BRINP3: variants seen among roughly 807,000 people sequenced by gnomAD.
BRINP3 encodes the protein BMP/retinoic acid inducible neural specific 3, also known as BMP/retinoic acid-inducible neural-specific protein 3.
BRINP3 carries 19 observed loss-of-function variants against 71.0 expected under a neutral mutation model. That is an observed-to-expected ratio of 0.27 (90% CI 0.19 to 0.39). The LOEUF is 0.39. Ranked by LOEUF, BRINP3 falls within the 10% of genes least tolerant of loss-of-function variation. The pLI is 1.00. For synonymous variants in BRINP3, 380 were observed against 337.7 expected, an observed-to-expected ratio of 1.13 and a Z score of -1.37; for missense variants, 959 against 940.8, an observed-to-expected ratio of 1.02 and a Z score of -0.25.
chr1:190,328,907 A>C (rs1666783563), intron 2 of BRINP3, among the ~76,000 whole-genome samples: 1 of 152,076 alleles, frequency 6.6e-6, no homozygotes, highest in Admixed American at 6.6e-5. Flanking sequence ...CATAAACAGA[A>C]TTAAAAATAA....
intron 2 of BRINP3, among the ~76,000 whole-genome samples, chr1:190,327,182 T>C (rs1056279926): frequency 1.3e-5 from 2 of 150,060 alleles, no homozygotes; most frequent in Non-Finnish European, 1.5e-5. Context: ...AGGCGTTTTG[T>C]TGGGCACCTG....
intron 2 of BRINP3, among the ~76,000 whole-genome samples, chr1:190,385,760 T>C (rs888467913): frequency 1.1e-4 from 16 of 152,016 alleles, no homozygotes; most frequent in African/African-American, 3.9e-4. Flanking sequence ...TAAATCATGC[T>C]GGTATAAAGA....
At chr1:190,155,836 G>A (rs1656817318) in intron 7 of BRINP3, among the ~76,000 whole-genome samples, 1 of 151,906 alleles carries the variant, frequency 6.6e-6, no homozygotes, top group African/African-American at 2.4e-5. Context: ...CTTCCCCTTT[G>A]CCTTATTCCA....
intron 2 of BRINP3, among the ~76,000 whole-genome samples, chr1:190,313,572 A>G (rs1281570808): frequency 6.6e-6 from 1 of 152,006 alleles, no homozygotes; most frequent in Non-Finnish European, 1.5e-5. Flanking sequence ...TCAGTTTTAC[A>G]TTTTGCAAAT....
intron 6 of BRINP3, among the ~76,000 whole-genome samples, chr1:190,198,056 C>G (rs895683693): frequency 2.0e-5 from 3 of 152,172 alleles, no homozygotes; most frequent in African/African-American, 7.2e-5. Flanking sequence ...AGGCCCAACA[C>G]CACCTGTAAG....
intron 6 of BRINP3, among the ~76,000 whole-genome samples, chr1:190,178,969 G>A (rs910736827): frequency 2.0e-5 from 3 of 152,048 alleles, no homozygotes; most frequent in African/African-American, 7.2e-5. Context: ...ATTCTAAACT[G>A]AGCAGACATC....
intron 2 of BRINP3, among the ~76,000 whole-genome samples, chr1:190,416,393 G>A (rs1312521840): frequency 2.0e-5 from 3 of 151,998 alleles, no homozygotes; most frequent in African/African-American, 7.3e-5. Flanking sequence ...TTGCCCAAGA[G>A]CCCCATGAGA....
In BRINP3 at chr1:190,128,911, T is replaced by C. The variant is rs1278595200; in HGVS notation, c.1185-29777A>G. On this transcript the variant is annotated intron_variant, in intron 7 of 7. Coordinates refer to ENST00000367462, the MANE Select transcript of BRINP3 (RefSeq NM_199051.3). ...TACACTAGATCAAAAAAGATCTTTA[T>C]ACCAATACCGGTTCTACAGTAGAAC... Among the ~76,000 whole-genome samples, 2 of 151,760 alleles carry C rather than the reference T, an allele frequency of 1.3e-5. 1 individual carries two copies. The highest frequency in any genetic ancestry group is 3.9e-4 in the East Asian group (2 of 5,178).
rs552056362 is a variant in BRINP3 at position 190,412,501 on chromosome 1, C to G, written c.236+42154G>C. Among the ~76,000 whole-genome samples the G allele has an allele frequency of 1.6e-3, 213 of 130,462 alleles. 1 individual carries two copies. The highest frequency in any genetic ancestry group is 5.7e-3 in the South Asian group (24 of 4,206). 85.6% of individuals were successfully genotyped at this position (130,462 alleles called of 152,430 possible). Reference sequence around the variant, plus strand: ...TTTTTGAGACGGAGTCTCGCTCTGTCGCCCAGGCTGGAGTGCAGTGGTGGG... The same window carrying G: ...TTTTTGAGACGGAGTCTCGCTCTGTGGCCCAGGCTGGAGTGCAGTGGTGGG... On this transcript the variant is annotated intron_variant, in intron 2 of 7. Coordinates refer to ENST00000367462, the MANE Select transcript of BRINP3 (RefSeq NM_199051.3).
chr1:190,459,287 A>G (rs1178189347), intron 1 of BRINP3, among the ~76,000 whole-genome samples: 1 of 151,730 alleles, frequency 6.6e-6, no homozygotes, highest in Non-Finnish European at 1.5e-5. Flanking sequence ...TACATAATAA[A>G]TGCATAAATA....
At chr1:190,386,365 T>G (rs1344995217) in intron 2 of BRINP3, among the ~76,000 whole-genome samples, 1 of 151,698 alleles carries the variant, frequency 6.6e-6, no homozygotes, top group East Asian at 1.9e-4. Flanking sequence ...CATGGGACTG[T>G]TTTTCATCTG....
chr1:190,153,401 C>T (rs1190712847), intron 7 of BRINP3, among the ~76,000 whole-genome samples: 4 of 152,088 alleles, frequency 2.6e-5, no homozygotes, highest in Admixed American at 1.3e-4. Flanking sequence ...AAGTACTTAT[C>T]TAAGCACCTT....
At chr1:190,263,880 G>T (rs1301134606) in intron 4 of BRINP3, among the ~76,000 whole-genome samples, 1 of 152,076 alleles carries the variant, frequency 6.6e-6, no homozygotes, top group Non-Finnish European at 1.5e-5. Flanking sequence ...GAGCCACCGT[G>T]CCAGGCCTAA....
At chr1:190,311,211 T>C (rs815162) in intron 2 of BRINP3, among the ~76,000 whole-genome samples, 59,733 of 151,380 alleles carry the variant, frequency 0.39, 12,866 homozygotes, top group Non-Finnish European at 0.49. Context: ...ACATTTATTT[T>C]AATTTCAATT....
chr1:190,309,402 T>G (rs1665360285), intron 2 of BRINP3, among the ~76,000 whole-genome samples: 1 of 151,894 alleles, frequency 6.6e-6, no homozygotes, highest in Non-Finnish European at 1.5e-5. Flanking sequence ...TGGATATATT[T>G]AATACAATTG....
At chr1:190,440,671 C>T (rs754934550) in intron 2 of BRINP3, among the ~76,000 whole-genome samples, 1 of 151,898 alleles carries the variant, frequency 6.6e-6, no homozygotes, top group Non-Finnish European at 1.5e-5. Flanking sequence ...AGCATGAAAC[C>T]TCAGTTCTAT....
At chr1:190,377,566 T>A (rs561795364) in intron 2 of BRINP3, among the ~76,000 whole-genome samples, 4 of 148,608 alleles carry the variant, frequency 2.7e-5, no homozygotes, top group African/African-American at 7.4e-5. Flanking sequence ...TATATATATA[T>A]GTAATCTGTT....
At chr1:190,462,965 G>A (rs1338169794) in intron 1 of BRINP3, among the ~76,000 whole-genome samples, 1 of 147,410 alleles carries the variant, frequency 6.8e-6, no homozygotes, top group Non-Finnish European at 1.5e-5. Flanking sequence ...TTAATATTTT[G>A]AATTAAAGTG....
At chr1:190,229,482 A>G (rs1049787642) in intron 5 of BRINP3, among the ~76,000 whole-genome samples, 7 of 151,800 alleles carry the variant, frequency 4.6e-5, no homozygotes, top group Admixed American at 1.3e-4. Flanking sequence ...CTTTATTAGC[A>G]GCATAAGAAC....
Sources: allele counts gnomAD v4.1 joint callset (sites outside exome capture counted in the v4.1 genomes callset), GRCh38; gene constraint gnomAD v4.1.1; transcripts MANE v1.5; gene names NCBI Gene and HGNC (gene_info 2026-07-23, HGNC 2026-07-21).